Variants in TTC21A observed in about 807,000 individuals in gnomAD.
TTC21A encodes the protein tetratricopeptide repeat domain 21A.
A neutral mutation model predicts 156.4 loss-of-function variants in TTC21A; 128 were observed. The ratio of observed to expected loss-of-function variants is 0.82; its 90% CI spans 0.71 to 0.95. The LOEUF is 0.95. Among genes scored for constraint, TTC21A ranks in the 40% least tolerant of loss-of-function variants. The pLI, the probability that TTC21A is intolerant of heterozygous loss-of-function variation, is 0.00. For missense variants in TTC21A, 1,435 were observed against 1,602.3 expected, an observed-to-expected ratio of 0.90 and a Z score of 1.78; for synonymous variants, 587 against 617.1, an observed-to-expected ratio of 0.95 and a Z score of 0.72.
chr3:39,123,976 A>G (rs1474480965), intron 9 of TTC21A, among the ~76,000 whole-genome samples: 12 of 152,226 alleles, frequency 7.9e-5, no homozygotes, highest in Non-Finnish European at 1.5e-4. Context: ...AAAACTAGTT[A>G]CTTTTCATGT....
In TTC21A at chr3:39,136,343, G is replaced by T. The variant is rs766964862; in HGVS notation, c.2945-14G>T. 6.2e-7 allele frequency: 1 copy of T among 1,607,506 alleles called. No individual in the cohort carries two copies. Among genetic ancestry groups the T allele is most frequent in the Non-Finnish European group, 8.5e-7 (1 of 1,175,992 alleles). The stretch of plus-strand genomic sequence containing the variant: ...TGGGCATTTCAGCCTGGAGATTTCT[G>T]TCTCTTATTTTAGACAATTTTTTGG... On this transcript the variant is annotated splice_polypyrimidine_tract_variant and intron_variant, in intron 22 of 28. Transcript: ENST00000683103.
chr3:39,136,691 C>T (rs2039140225), intron 23 of TTC21A, 184 bp downstream of exon 23: 5 of 995,084 alleles, frequency 5.0e-6, no homozygotes. Context: ...CCTGCAGCCT[C>T]TGGATGGAGG....
At chr3:39,121,442 C>T (rs2037760642) in intron 9 of TTC21A, among the ~76,000 whole-genome samples, 1 of 152,186 alleles carries the variant, frequency 6.6e-6, no homozygotes, top group South Asian at 2.1e-4. Context: ...CTGACTGCCC[C>T]AGAAGACTGA....
chr3:39,117,549 C>A (rs1362318437), intron 6 of TTC21A, among the ~76,000 whole-genome samples: 1 of 152,184 alleles, frequency 6.6e-6, no homozygotes, highest in Non-Finnish European at 1.5e-5. Flanking sequence ...TCTCTGGCAC[C>A]ATGGTCATGT....
rs1357748256 is a variant in TTC21A, at chr3:39,131,049, T to C, written c.2516T>C (p.Val839Ala). Reference sequence around the variant, plus strand: ...AAGTGCCTGCTTTTGCTGGCAAAGGTTTACAAGAGCCATAAAAAAGAAGCT... The same window carrying C: ...AAGTGCCTGCTTTTGCTGGCAAAGGCTTACAAGAGCCATAAAAAAGAAGCT... Reference protein sequence around the residue: ...DVKCLLLLAKVYKSHKKEAVI... With the variant: ...DVKCLLLLAKAYKSHKKEAVI... Residue 839 changes from valine (V) to alanine (A), a missense_variant, in exon 19 of 29, where the codon GTT becomes GCT. Physicochemically the swap from Val to Ala is moderately conservative, Grantham distance 64. Coordinates refer to ENST00000683103, the MANE Select transcript of TTC21A (RefSeq NM_001366900.1). 2 of 1,613,292 alleles carry C rather than the reference T, an allele frequency of 1.2e-6. No individual in the cohort carries two copies.
chr3:39,136,982 A>G lies in TTC21A; in HGVS notation c.3179A>G (p.His1060Arg), dbSNP rs1362235634. Residue 1060 changes from histidine (H) to arginine (R), a missense_variant, in exon 24 of 29, where the codon CAC becomes CGC. His to Arg is a conservative substitution (Grantham distance 29, BLOSUM62 0). Coordinates refer to ENST00000683103, the MANE Select transcript of TTC21A (RefSeq NM_001366900.1). ...DSTWGQSAIY[H>R]MVQICLNPDN... The stretch of plus-strand genomic sequence containing the variant: ...ACTTGGGGCCAGAGCGCCATCTACC[A>G]CATGGTGCAGATCTGTCTGAATCCA... 2.5e-6 allele frequency: 4 copies of G among 1,614,002 alleles called. No individual in the cohort carries two copies. In the African/African-American group the frequency reaches 5.3e-5, roughly 22 times the overall value.
At chr3:39,138,468 C>T in intron 27 of TTC21A, 81 bp downstream of exon 27, 1 of 1,613,482 alleles carries the variant, frequency 6.2e-7, no homozygotes, top group Non-Finnish European at 8.5e-7. Context: ...CCCCAGAACT[C>T]AAGGCCTGTA....
intron 8 of TTC21A, 107 bp from the exon 9 acceptor site, chr3:39,120,889 TG>T: frequency 1.0e-6 from 1 of 996,864 alleles, no homozygotes. Flanking sequence ...TTGGCTCTCC[TG>T]GGCCTACCAG....
chr3:39,128,422 C>A lies in TTC21A; in HGVS notation c.1614C>A (p.Tyr538Ter), dbSNP rs2038441806. 1 of 1,614,080 alleles carries A rather than the reference C, an allele frequency of 6.2e-7. No homozygotes were observed. The highest frequency in any genetic ancestry group is 1.7e-5 in the Admixed American group (1 of 60,004). Residue 538 changes from tyrosine (Y) to a stop codon, truncating the protein, a stop_gained, in exon 13 of 29, where the codon TAC becomes TAA. Coordinates refer to ENST00000683103, the MANE Select transcript of TTC21A (RefSeq NM_001366900.1). LOFTEE classifies it high-confidence loss of function. Reference protein sequence around the residue: ...VDAHLLMCQIYLAQGNFGMCF... With the variant: ...VDAHLLMCQI ...CCCATCTCCTCATGTGTCAGATCTA[C>A]TTGGCTCAGGGCAACTTTGGCATGT...
Position 39,130,556 on chromosome 3 carries a change from C to A in TTC21A, c.2320-145C>A. Reference sequence around the variant, plus strand: ...CACCTGCTTAAGCTGAGGGTTACACCCTGTGCCAGCTGGGAGGAGTGCCTT... The same window carrying A: ...CACCTGCTTAAGCTGAGGGTTACACACTGTGCCAGCTGGGAGGAGTGCCTT... On this transcript the variant is annotated intron_variant, in intron 17 of 28. Transcript: ENST00000683103. The surrounding 1 kb of genome is among the most constrained non-coding windows in gnomAD (Gnocchi z 4.5). The A allele has an allele frequency of 8.8e-7, 1 of 1,135,032 alleles. No individual in the cohort carries two copies. The highest frequency in any genetic ancestry group is 1.3e-6 in the Non-Finnish European group (1 of 786,454). 70.3% of individuals were successfully genotyped at this position (1,135,032 alleles called of 1,614,324 possible).
At chr3:39,116,476 GC>G (rs5848489) in intron 6 of TTC21A, among the ~76,000 whole-genome samples, 40 of 150,222 alleles carry the variant, frequency 2.7e-4, no homozygotes, top group Non-Finnish European at 5.2e-4. Flanking sequence ...ATTAATTTCT[GC>G]CCCCCCCTTT....
intron 6 of TTC21A, 49 bp from the exon 7 acceptor site, chr3:39,118,020 C>A: frequency 7.2e-7 from 1 of 1,381,286 alleles, no homozygotes; most frequent in Non-Finnish European, 1.0e-6. Context: ...ACCATCCCAG[C>A]TTTGCCTATC....
Position 39,136,621 on chromosome 3 carries a change from G to A in TTC21A, c.3095+114G>A, listed in dbSNP as rs1009829168. ...CAGAAATTCTGCCTCCAGGACACCC[G>A]GACCCAGCAAGTGAGGGCCCATGGG... is the stretch of plus-strand genomic sequence containing the variant. On this transcript the variant is annotated intron_variant, in intron 23 of 28. Coordinates refer to ENST00000683103, the MANE Select transcript of TTC21A (RefSeq NM_001366900.1). 43 of 1,345,642 alleles carry A rather than the reference G, an allele frequency of 3.2e-5. No individual in the cohort carries two copies. In the Admixed American group the frequency reaches 4.9e-4, roughly 15 times the overall value. The allele number at this position is 1,345,642 out of a possible 1,614,324, so 83.4% of individuals were successfully genotyped here. A position where few individuals can be genotyped will look rare whatever the true frequency, so the allele number is the denominator to read the frequency against.
chr3:39,126,706 C>G (rs180671081), intron 12 of TTC21A, among the ~76,000 whole-genome samples: 5 of 152,270 alleles, frequency 3.3e-5, no homozygotes, highest in Admixed American at 3.3e-4. Flanking sequence ...CCTGCCCACT[C>G]CCAGCCTCCA....
Position 39,125,133 on chromosome 3 carries a change from G to A in TTC21A, c.1164G>A (p.Glu388=), listed in dbSNP as rs2038111847. ...AGTACCGGCTGGAATTCCTGAAGGA[G>A]GTGCAGAAGTCCCTTGGGAAGTCTG... ...EAEYRLEFLK[E]VQKSLGKSEV... Residue 388 remains glutamate (E), a synonymous_variant, in exon 10 of 29, where the codon GAG becomes GAA. Transcript: ENST00000683103. 1 of 1,613,930 alleles carries A rather than the reference G, an allele frequency of 6.2e-7. No homozygotes were observed. The highest frequency in any genetic ancestry group is 8.5e-7 in the Non-Finnish European group (1 of 1,179,972).
Position 39,110,819 on chromosome 3 carries a change from C to T in TTC21A, c.269-32C>T, listed in dbSNP as rs753145568. ...AACCAGGCAGACTTCCACATCCTAA[C>T]TCTCCCTCTTCCTTCGCTCTTGGAT... is the stretch of plus-strand genomic sequence containing the variant. On this transcript the variant is annotated intron_variant, in intron 3 of 28. Coordinates refer to ENST00000683103, the MANE Select transcript of TTC21A (RefSeq NM_001366900.1). 3.7e-6 allele frequency: 6 copies of T among 1,612,284 alleles called. 1 individual carries two copies. Among genetic ancestry groups the T allele is most frequent in the Middle Eastern group, 3.7e-4 (2 of 5,342 alleles).
intron 9 of TTC21A, 115 bp downstream of exon 9, chr3:39,121,304 T>C: frequency 1.1e-6 from 1 of 922,360 alleles, no homozygotes; most frequent in South Asian, 1.7e-5. Context: ...TATGTGAATT[T>C]TGGGGTACAA....
intron 1 of TTC21A, 52 bp downstream of exon 1, chr3:39,107,916 A>G: frequency 6.2e-7 from 1 of 1,604,122 alleles, no homozygotes; most frequent in Admixed American, 1.7e-5. Flanking sequence ...CCCGCCCCTG[A>G]CCCAGAGACC....
intron 9 of TTC21A, among the ~76,000 whole-genome samples, chr3:39,122,561 G>A (rs749888637): frequency 6.6e-5 from 10 of 152,204 alleles, no homozygotes; most frequent in Non-Finnish European, 8.8e-5. Context: ...CAGAGGCTGA[G>A]TGTGAAAGCA....
Sources: allele counts gnomAD v4.1 joint callset (sites outside exome capture counted in the v4.1 genomes callset), GRCh38; gene constraint gnomAD v4.1.1; non-coding constraint Gnocchi (gnomAD v3.1); transcripts MANE v1.5; gene names NCBI Gene and HGNC (gene_info 2026-07-23, HGNC 2026-07-21).